Variants in DIAPH2 observed in about 807,000 individuals in gnomAD.
The protein encoded by DIAPH2 is diaphanous related formin 2, also known as protein diaphanous homolog 2.
A neutral mutation model predicts 92.7 loss-of-function variants in DIAPH2; 35 were observed. The observed-to-expected ratio is 0.38, with a 90% CI of 0.29 to 0.50. DIAPH2 has a LOEUF of 0.50. DIAPH2 is among the 20% of genes least tolerant of loss of function. The pLI is 0.94. For synonymous variants in DIAPH2, 301 were observed against 280.4 expected, an observed-to-expected ratio of 1.07 and a Z score of -0.73; for missense variants, 701 against 819.5, an observed-to-expected ratio of 0.86 and a Z score of 1.77.
At chrX:97,194,813 C>T (rs1051639904) in intron 22 of DIAPH2, among the ~76,000 whole-genome samples, 1 of 111,840 alleles carries the variant, frequency 8.9e-6, no homozygotes, top group African/African-American at 3.2e-5. Context: ...AGAAAGAGCC[C>T]ACATTATTAG....
intron 4 of DIAPH2, among the ~76,000 whole-genome samples, chrX:96,824,352 T>C (rs924837521): frequency 1.8e-5 from 2 of 110,975 alleles, no homozygotes; most frequent in African/African-American, 6.6e-5. Flanking sequence ...ATCAACTTAC[T>C]GGAAATGAAA....
At chrX:97,500,802 A>G in intron 26 of DIAPH2, among the ~76,000 whole-genome samples, 1 of 82,745 alleles carries the variant, frequency 1.2e-5, no homozygotes, top group African/African-American at 4.7e-5. Flanking sequence ...ATATATATAT[A>G]TCCTTGCAAG....
Position 97,187,722 on chromosome X carries a change from A to G in DIAPH2, c.2719+45928A>G, listed in dbSNP as rs142582050. Among the ~76,000 whole-genome samples the G allele has an allele frequency of 3.8e-4, 42 of 111,571 alleles. No individual in the cohort carries two copies. The Middle Eastern group carries it at 0.028, about 74-fold the overall frequency. Reference sequence around the variant, plus strand: ...GGGGAATATAATAATCAATATAAGTAAGGAGTTTTTGGAAATCAAAAATTA... The same window carrying G: ...GGGGAATATAATAATCAATATAAGTGAGGAGTTTTTGGAAATCAAAAATTA... On this transcript the variant is annotated intron_variant, in intron 22 of 26. Coordinates refer to ENST00000324765, the MANE Select transcript of DIAPH2 (RefSeq NM_006729.5).
At chrX:97,573,600 TCTTC>T (rs2071382998) in intron 26 of DIAPH2, among the ~76,000 whole-genome samples, 1 of 110,693 alleles carries the variant, frequency 9.0e-6, no homozygotes, top group East Asian at 2.8e-4. Flanking sequence ...TAACCCTTTT[TCTTC>T]ATAAAATAAA....
At chrX:96,815,356 G>C (rs754688208) in intron 4 of DIAPH2, among the ~76,000 whole-genome samples, 55 of 111,650 alleles carry the variant, frequency 4.9e-4, no homozygotes, top group Non-Finnish European at 7.2e-4. Context: ...TAATCTTCTC[G>C]TGTGCTGTTT....
At chrX:96,923,469 G>A (rs1242190446) in intron 9 of DIAPH2, among the ~76,000 whole-genome samples, 1 of 112,191 alleles carries the variant, frequency 8.9e-6, no homozygotes, top group African/African-American at 3.2e-5. Context: ...AATCTGAGCA[G>A]CCTACAAATG....
Position 96,850,667 on chromosome X carries a change from T to C in DIAPH2, c.448-30912T>C, listed in dbSNP as rs189138659. Among the ~76,000 whole-genome samples, 386 of 112,057 alleles carry C rather than the reference T, an allele frequency of 3.4e-3. 3 individuals carry two copies. The highest frequency in any genetic ancestry group is 5.4e-3 in the Non-Finnish European group (286 of 53,199). ...AGGGAAAACATAGGAAGGGAAAAAC[T>C]AGAAGCTCCTTGAGTTTCACCTGTT... On this transcript the variant is annotated intron_variant, in intron 4 of 26. Transcript: ENST00000324765.
chrX:96,772,340 C>G (rs1340364601), intron 4 of DIAPH2, among the ~76,000 whole-genome samples: 1 of 111,816 alleles, frequency 8.9e-6, no homozygotes, highest in Non-Finnish European at 1.9e-5. Flanking sequence ...TTTCAGAAGA[C>G]ATTGCCTCCA....
At chrX:96,768,310 AT>A (rs773944133) in intron 4 of DIAPH2, among the ~76,000 whole-genome samples, 11 of 112,018 alleles carry the variant, frequency 9.8e-5, no homozygotes, top group Non-Finnish European at 1.5e-4. Context: ...TTGGGAAAGC[AT>A]TTGTCTCGTC....
chrX:97,593,575 A>G (rs1348777114), intron 26 of DIAPH2, among the ~76,000 whole-genome samples: 1 of 111,734 alleles, frequency 8.9e-6, no homozygotes, highest in Non-Finnish European at 1.9e-5. Flanking sequence ...CTAAGCTTAA[A>G]AACAAAGAAA....
intron 17 of DIAPH2, among the ~76,000 whole-genome samples, chrX:97,049,878 G>C (rs1254854985): frequency 9.0e-6 from 1 of 110,816 alleles, no homozygotes; most frequent in African/African-American, 3.3e-5. Context: ...TATATTAATT[G>C]TGCACTTACT....
intron 25 of DIAPH2, among the ~76,000 whole-genome samples, chrX:97,417,455 C>T (rs1444397085): frequency 9.1e-6 from 1 of 110,256 alleles, no homozygotes; most frequent in African/African-American, 3.3e-5. Context: ...CACCGGATCA[C>T]CTGAGGTCAG....
intron 1 of DIAPH2, among the ~76,000 whole-genome samples, chrX:96,705,415 A>C: frequency 1.8e-5 from 2 of 112,300 alleles, no homozygotes; most frequent in South Asian, 7.4e-4. Context: ...AAGAAAATAT[A>C]TCAGCAGGAA....
At chrX:96,788,531 A>G (rs893353769) in intron 4 of DIAPH2, among the ~76,000 whole-genome samples, 3 of 111,521 alleles carry the variant, frequency 2.7e-5, no homozygotes, top group African/African-American at 9.8e-5. Context: ...CACCCTCCAA[A>G]ATGTTTTGAG....
chrX:97,359,047 A>G (rs1220394143), intron 24 of DIAPH2, among the ~76,000 whole-genome samples: 1 of 112,170 alleles, frequency 8.9e-6, no homozygotes, highest in Non-Finnish European at 1.9e-5. Context: ...TAATTGGCTC[A>G]CTTCATGATG....
chrX:97,178,410 G>A (rs1460447145), intron 22 of DIAPH2, among the ~76,000 whole-genome samples: 2 of 104,054 alleles, frequency 1.9e-5, no homozygotes, highest in East Asian at 6.2e-4. Context: ...CAATGATGAA[G>A]CAATCCTGTA....
chrX:96,814,197 A>G (rs941943475), intron 4 of DIAPH2, among the ~76,000 whole-genome samples: 1 of 111,562 alleles, frequency 9.0e-6, no homozygotes, highest in African/African-American at 3.3e-5. Flanking sequence ...ACATATTCCC[A>G]TATTTCTTGG....
intron 4 of DIAPH2, among the ~76,000 whole-genome samples, chrX:96,833,160 G>A (rs923654637): frequency 2.7e-5 from 3 of 110,816 alleles, no homozygotes; most frequent in Admixed American, 1.9e-4. Flanking sequence ...TGGAAGTTCT[G>A]TATGGAGGCA....
chrX:96,855,503 T>C (rs1222809043), intron 4 of DIAPH2, among the ~76,000 whole-genome samples: 1 of 109,742 alleles, frequency 9.1e-6, no homozygotes, highest in African/African-American at 3.3e-5. Flanking sequence ...AATGCAGCAA[T>C]AAAAAACTAT....
Sources: gnomAD v4.1 joint callset for allele counts (sites outside exome capture counted in the v4.1 genomes callset) on GRCh38, gnomAD v4.1.1 for gene constraint, MANE v1.5 for transcripts, NCBI Gene and HGNC (gene_info 2026-07-23, HGNC 2026-07-21) for gene names.